ARID5B: variants seen among roughly 807,000 people sequenced by gnomAD.
The protein encoded by ARID5B is AT-rich interaction domain 5B.
ARID5B carries 13 observed loss-of-function variants against 97.2 expected under a neutral mutation model. The ratio of observed to expected loss-of-function variants is 0.13; its 90% CI spans 0.09 to 0.21. The LOEUF is 0.21. Ranked by LOEUF, ARID5B falls within the 10% of genes least tolerant of loss-of-function variation. ARID5B has a pLI of 1.00. For missense variants in ARID5B, 1,210 were observed against 1,465.3 expected, an observed-to-expected ratio of 0.83 and a Z score of 2.84; for synonymous variants, 556 against 570.3, an observed-to-expected ratio of 0.97 and a Z score of 0.36.
At chr10:62,020,235 C>T (rs1277607247) in intron 4 of ARID5B, among the ~76,000 whole-genome samples, 3 of 152,096 alleles carry the variant, frequency 2.0e-5, no homozygotes, top group East Asian at 1.9e-4. Flanking sequence ...AAAGGAAGGG[C>T]GTGCCAGAAA....
chr10:61,986,667 G>A (rs2132851345), intron 3 of ARID5B, among the ~76,000 whole-genome samples: 1 of 152,282 alleles, frequency 6.6e-6, no homozygotes, highest in South Asian at 2.1e-4. Flanking sequence ...AGCTGTTTGT[G>A]TAACTTTTTG....
chr10:62,056,239 C>T (rs538105674), intron 5 of ARID5B, among the ~76,000 whole-genome samples: 41 of 152,214 alleles, frequency 2.7e-4, no homozygotes, highest in Non-Finnish European at 5.0e-4. Flanking sequence ...GAGACTTTAC[C>T]GCCTTTTATT....
intron 3 of ARID5B, among the ~76,000 whole-genome samples, chr10:61,991,160 T>G (rs767546239): frequency 6.6e-6 from 1 of 152,112 alleles, no homozygotes; most frequent in Non-Finnish European, 1.5e-5. Context: ...CAATCAACAT[T>G]GGTATGTAAA....
intron 2 of ARID5B, among the ~76,000 whole-genome samples, chr10:61,936,636 A>T (rs1235256918): frequency 1.3e-5 from 2 of 152,198 alleles, no homozygotes; most frequent in Non-Finnish European, 2.9e-5. Context: ...AATTAATTTA[A>T]TTAAATTAAA....
chr10:61,981,328 C>T (rs1838774025), intron 3 of ARID5B, among the ~76,000 whole-genome samples: 1 of 152,166 alleles, frequency 6.6e-6, no homozygotes. Flanking sequence ...GTCACCCAGG[C>T]TGGAGTGCAG....
chr10:61,930,277 C>T (rs765518872), intron 2 of ARID5B, among the ~76,000 whole-genome samples: 2 of 152,208 alleles, frequency 1.3e-5, no homozygotes, highest in Non-Finnish European at 2.9e-5. Context: ...GGGTCTCTTG[C>T]ATATGTACAC....
intron 4 of ARID5B, among the ~76,000 whole-genome samples, chr10:62,033,114 C>T (rs1390859274): frequency 6.6e-6 from 1 of 152,132 alleles, no homozygotes; most frequent in Non-Finnish European, 1.5e-5. Flanking sequence ...TGAGTTCCTG[C>T]AATGTGCTGA....
At chr10:62,049,587 G>A in intron 4 of ARID5B, 1 of 1,457,474 alleles carries the variant, frequency 6.9e-7, no homozygotes, top group East Asian at 2.5e-5. Context: ...AGCGTTTAGG[G>A]GAATGAGAGG....
At chr10:62,029,761 C>A (rs1041946607) in intron 4 of ARID5B, among the ~76,000 whole-genome samples, 1 of 152,194 alleles carries the variant, frequency 6.6e-6, no homozygotes, top group Non-Finnish European at 1.5e-5. Context: ...TTATTTAGTT[C>A]AGATTTTCGA....
intron 3 of ARID5B, among the ~76,000 whole-genome samples, chr10:61,996,308 G>GCCA (rs1379202086): frequency 1.3e-5 from 2 of 151,926 alleles, no homozygotes; most frequent in African/African-American, 4.8e-5. Flanking sequence ...TTGATCAAAG[G>GCCA]CCACCATCCT....
At chr10:61,990,311 G>A (rs1838906529) in intron 3 of ARID5B, among the ~76,000 whole-genome samples, 1 of 152,210 alleles carries the variant, frequency 6.6e-6, no homozygotes, top group South Asian at 2.1e-4. Flanking sequence ...AACTCCTCAA[G>A]TGGCGAGATT....
intron 2 of ARID5B, among the ~76,000 whole-genome samples, chr10:61,908,799 C>CAAAAAAAAAAAAAAAAA (rs369792859): frequency 9.8e-5 from 5 of 50,998 alleles, no homozygotes; most frequent in Non-Finnish European, 1.7e-4. Context: ...GACTCCATCT[C>CAAAAAAAAAAAAAAAAA]AAAAAAAAAA....
At chr10:62,081,231 C>G (rs1427788292) in intron 8 of ARID5B, among the ~76,000 whole-genome samples, 4 of 152,218 alleles carry the variant, frequency 2.6e-5, no homozygotes, top group African/African-American at 9.7e-5. Context: ...CATAAAGTGC[C>G]TATGCAGTAA....
At chr10:62,071,671 G>A (rs1840067971) in intron 8 of ARID5B, among the ~76,000 whole-genome samples, 1 of 151,920 alleles carries the variant, frequency 6.6e-6, no homozygotes, top group Non-Finnish European at 1.5e-5. Context: ...TGAAGATTGT[G>A]TACTTTTGAT....
chr10:61,916,115 G>A (rs1029282605), intron 2 of ARID5B, among the ~76,000 whole-genome samples: 13 of 152,170 alleles, frequency 8.5e-5, no homozygotes, highest in Admixed American at 2.0e-4. Context: ...GTGCAAAGGC[G>A]TGGTCTTGCC....
Position 62,005,795 on chromosome 10 carries a change from G to T in ARID5B, c.733+5474G>T, listed in dbSNP as rs545043099. ...GCCTCTTCCTTTCTGAACATCACAT[G>T]TTTTGCTGGAAATGAAAGGCAGTTG... is the stretch of plus-strand genomic sequence containing the variant. On this transcript the variant is annotated intron_variant, in intron 4 of 9. Transcript: ENST00000279873. Among the ~76,000 whole-genome samples the T allele has an allele frequency of 5.3e-5, 8 of 152,336 alleles. 1 individual carries two copies. In the South Asian group the frequency reaches 1.7e-3, roughly 32 times the overall value.
intron 8 of ARID5B, among the ~76,000 whole-genome samples, chr10:62,076,888 T>G (rs1840145064): frequency 6.6e-6 from 1 of 152,172 alleles, no homozygotes; most frequent in Non-Finnish European, 1.5e-5. Context: ...AACACTGTCT[T>G]TCTCATGGCA....
intron 4 of ARID5B, among the ~76,000 whole-genome samples, chr10:62,019,973 G>A (rs1198926042): frequency 6.6e-6 from 1 of 152,078 alleles, no homozygotes; most frequent in African/African-American, 2.4e-5. Context: ...TTCTAATTGT[G>A]ACCCTCCTAA....
chr10:61,991,433 A>G (rs1039681455), intron 3 of ARID5B, among the ~76,000 whole-genome samples: 1 of 151,994 alleles, frequency 6.6e-6, no homozygotes, highest in Non-Finnish European at 1.5e-5. Context: ...TTTGCTTTAC[A>G]TTTCCCTAAT....
Sources: gnomAD v4.1 joint callset for allele counts (sites outside exome capture counted in the v4.1 genomes callset) on GRCh38, gnomAD v4.1.1 for gene constraint, MANE v1.5 for transcripts, NCBI Gene and HGNC (gene_info 2026-07-23, HGNC 2026-07-21) for gene names.